Variants in SNX29 observed in about 807,000 individuals in gnomAD.
SNX29 encodes the protein sorting nexin-29.
Under a neutral mutation model 102.1 loss-of-function variants are expected in SNX29, and 78 were observed. The observed-to-expected ratio is 0.76, with a 90% CI of 0.64 to 0.92. The LOEUF (loss-of-function observed/expected upper bound fraction) is 0.92, where lower values mean the gene tolerates loss of function less well. SNX29 is among the 40% of genes least tolerant of loss of function. SNX29 has a pLI of 0.00. For missense variants in SNX29, 1,280 were observed against 1,061.7 expected (o/e 1.21, Z -2.86); for synonymous variants, 580 against 414.5 (o/e 1.40, Z -4.85).
At chr16:12,353,208 G>A (rs1597040133) in intron 15 of SNX29, among the ~76,000 whole-genome samples, 1 of 152,298 alleles carries the variant, frequency 6.6e-6, no homozygotes, top group East Asian at 1.9e-4. Context: ...TAGCAACTCT[G>A]TGGTGCTCTT....
chr16:12,373,330 A>G (rs1196981077), intron 16 of SNX29, among the ~76,000 whole-genome samples: 1 of 152,068 alleles, frequency 6.6e-6, no homozygotes, highest in African/African-American at 2.4e-5. Context: ...GGGTTTCACT[A>G]TATGGCCCAG....
At chr16:12,320,845 G>A (rs571384191) in intron 15 of SNX29, among the ~76,000 whole-genome samples, 1 of 152,344 alleles carries the variant, frequency 6.6e-6, no homozygotes, top group Admixed American at 6.5e-5. Flanking sequence ...GCAATTGGGA[G>A]TTTAAGCAAA....
chr16:12,213,763 C>T (rs1461736379), intron 14 of SNX29, among the ~76,000 whole-genome samples: 8 of 152,170 alleles, frequency 5.3e-5, no homozygotes, highest in African/African-American at 1.2e-4. Context: ...GCCAGTTTCC[C>T]GACCTTTAAG....
chr16:12,184,164 T>G (rs184806107), intron 13 of SNX29, among the ~76,000 whole-genome samples: 1 of 152,330 alleles, frequency 6.6e-6, no homozygotes, highest in African/African-American at 2.4e-5. Flanking sequence ...AGAACTCCTT[T>G]TCTGTAATAG....
intron 14 of SNX29, among the ~76,000 whole-genome samples, chr16:12,240,585 CTTTTTTTTTTTT>C (rs1180028807): frequency 1.1e-4 from 7 of 64,788 alleles, no homozygotes; most frequent in South Asian, 6.8e-4. Flanking sequence ...TTTGTCATTT[CTTTTTTTTTTTT>C]TTTTTTTTTT....
chr16:12,559,954 G>C (rs1014156099), intron 20 of SNX29, among the ~76,000 whole-genome samples: 1 of 152,222 alleles, frequency 6.6e-6, no homozygotes, highest in East Asian at 1.9e-4. Context: ...ACTCCAGCCT[G>C]GGCAACAGAG....
At chr16:12,212,481 A>G (rs2077212525) in intron 14 of SNX29, among the ~76,000 whole-genome samples, 1 of 139,398 alleles carries the variant, frequency 7.2e-6, no homozygotes, top group South Asian at 2.2e-4. Flanking sequence ...AGGCAGGCAC[A>G]GAGCTTCTGG....
In SNX29 at chr16:12,232,413, C is replaced by T. The variant is rs190723392; in HGVS notation, c.1678+32730C>T. ...ATAGTGGCGTGCGCCTGTAATCCTT[C>T]GGAGACTGAGGCACAAGAATCGCTT... On this transcript the variant is annotated intron_variant, in intron 14 of 20. Transcript: ENST00000566228. Among the ~76,000 whole-genome samples, 33 of 152,268 alleles carry T rather than the reference C, an allele frequency of 2.2e-4. 2 individuals carry two copies. The East Asian group carries it at 4.6e-3, about 21-fold the overall frequency.
chr16:12,405,957 A>T (rs1427679827), intron 18 of SNX29, among the ~76,000 whole-genome samples: 2 of 152,060 alleles, frequency 1.3e-5, no homozygotes, highest in Non-Finnish European at 2.9e-5. Context: ...GCTTGAACCC[A>T]GGAGGCAGAG....
At chr16:12,567,129 G>A (rs933504976) in intron 20 of SNX29, among the ~76,000 whole-genome samples, 3 of 152,362 alleles carry the variant, frequency 2.0e-5, no homozygotes, top group South Asian at 4.1e-4. Context: ...TAACTCACAT[G>A]ATTTGTGAAA....
At chr16:12,195,531 G>C (rs561246494) in intron 13 of SNX29, among the ~76,000 whole-genome samples, 1 of 152,264 alleles carries the variant, frequency 6.6e-6, no homozygotes, top group South Asian at 2.1e-4. Flanking sequence ...CATAACTCGA[G>C]GAAAGTTCCT....
intron 8 of SNX29, among the ~76,000 whole-genome samples, chr16:12,054,858 A>G (rs568918673): frequency 3.3e-4 from 50 of 152,142 alleles, no homozygotes; most frequent in South Asian, 6.2e-4. Context: ...GACTTGTGAA[A>G]TGTTTCCCCT....
chr16:12,556,223 G>A (rs796892667), intron 20 of SNX29: 62 of 152,250 alleles, frequency 4.1e-4, no homozygotes, highest in African/African-American at 1.4e-3. Context: ...TTCCAATTGT[G>A]AGGTTGGTTT....
chr16:12,553,068 A>G (rs2078088611), intron 20 of SNX29, among the ~76,000 whole-genome samples: 1 of 152,226 alleles, frequency 6.6e-6, no homozygotes, highest in Non-Finnish European at 1.5e-5. Context: ...ACTGCAAAGC[A>G]ACACTCACCT....
chr16:12,135,598 T>C (rs967629429), intron 13 of SNX29: 6 of 1,342,426 alleles, frequency 4.5e-6, no homozygotes, highest in East Asian at 3.8e-5. Context: ...GTGAGAACCA[T>C]GTGGTGGAGA....
rs568898571 is a variant in SNX29, at chr16:12,569,764, G to C, written c.*1135G>C. 4.3e-6 allele frequency: 1 copy of C among 230,588 alleles called. No homozygotes were observed. Among genetic ancestry groups the C allele is most frequent in the East Asian group, 6.2e-5 (1 of 16,246 alleles). 14.3% of individuals were successfully genotyped at this position (230,588 alleles called of 1,614,324 possible). On this transcript the variant is annotated 3_prime_UTR_variant, in exon 21 of 21. Coordinates refer to ENST00000566228, the MANE Select transcript of SNX29 (RefSeq NM_032167.5). ...CTCCTCCTCCAGTGAGCTCACATCA[G>C]AGCACCTCACAGAGCAATAGCCGTC...
At chr16:12,317,332 C>T (rs1202120011) in intron 15 of SNX29, among the ~76,000 whole-genome samples, 2 of 152,238 alleles carry the variant, frequency 1.3e-5, no homozygotes, top group Non-Finnish European at 2.9e-5. Flanking sequence ...CTCCCCTCGT[C>T]TTCCCCCTGG....
chr16:12,425,154 C>T (rs923495149), intron 18 of SNX29, among the ~76,000 whole-genome samples: 9 of 152,312 alleles, frequency 5.9e-5, no homozygotes, highest in Middle Eastern at 3.4e-3. Context: ...GATCTGTGCT[C>T]TTGGAGGTTG....
chr16:12,003,075 T>C, intron 3 of SNX29, 32 bp downstream of exon 3: 1 of 1,613,262 alleles, frequency 6.2e-7, no homozygotes, highest in Non-Finnish European at 8.5e-7. Context: ...CCGTTGACCA[T>C]CGAGGTTGGA....
Sources: allele counts gnomAD v4.1 joint callset (sites outside exome capture counted in the v4.1 genomes callset), GRCh38; gene constraint gnomAD v4.1.1; transcripts MANE v1.5; gene names NCBI Gene and HGNC (gene_info 2026-07-23, HGNC 2026-07-21).